The following ATXN1 variants were observed in gnomAD, a reference collection of about 807,000 sequenced individuals.
ATXN1 encodes the protein ataxin-1.
In ATXN1, 8 loss-of-function variants were observed where a neutral mutation model predicts 56.4. The ratio of observed to expected loss-of-function variants is 0.14; its 90% CI spans 0.08 to 0.26. The LOEUF (loss-of-function observed/expected upper bound fraction) is 0.26. ATXN1 is among the 10% of genes least tolerant of loss of function. The pLI is 1.00. For synonymous variants in ATXN1, 514 were observed against 494.6 expected, an observed-to-expected ratio of 1.04 and a Z score of -0.52; for missense variants, 987 against 1,106.5, an observed-to-expected ratio of 0.89 and a Z score of 1.53.
chr6:16,511,534 A>G (rs1761081657), intron 5 of ATXN1, among the ~76,000 whole-genome samples: 1 of 152,222 alleles, frequency 6.6e-6, no homozygotes, highest in South Asian at 2.1e-4. Flanking sequence ...TCCATTCTTC[A>G]GAAGTCCACA....
intron 6 of ATXN1, among the ~76,000 whole-genome samples, chr6:16,350,947 G>A (rs1169099799): frequency 6.6e-6 from 1 of 152,090 alleles, no homozygotes; most frequent in African/African-American, 2.4e-5. Flanking sequence ...AGGCAGGTGT[G>A]GTGGTGCATG....
chr6:16,571,816 A>T (rs1194692852), intron 4 of ATXN1, among the ~76,000 whole-genome samples: 2 of 152,082 alleles, frequency 1.3e-5, no homozygotes, highest in Non-Finnish European at 2.9e-5. Flanking sequence ...TCATGCCACC[A>T]TGCTCAGCTA....
intron 6 of ATXN1, among the ~76,000 whole-genome samples, chr6:16,351,124 C>G (rs1223781636): frequency 6.6e-6 from 1 of 152,080 alleles, no homozygotes; most frequent in Non-Finnish European, 1.5e-5. Flanking sequence ...AACACGTACC[C>G]TACAGGGTTA....
intron 3 of ATXN1, among the ~76,000 whole-genome samples, chr6:16,618,725 AAAAAAAAAAAAAAGGATTCAACTGTGGG>A (rs1337299825): frequency 6.6e-6 from 1 of 151,494 alleles, no homozygotes; most frequent in Non-Finnish European, 1.5e-5. Flanking sequence ...CCGTCTCAAA[AAAAAAAAAAAAAAGGATTCAACTGTGGG>A]AAAAAAAAAA....
intron 2 of ATXN1, among the ~76,000 whole-genome samples, chr6:16,658,894 C>A (rs575671163): frequency 4.6e-5 from 7 of 152,194 alleles, no homozygotes; most frequent in African/African-American, 1.7e-4. Context: ...AAAGGTCCCA[C>A]GGTGATCATC....
chr6:16,390,045 A>G (rs1758320554), intron 6 of ATXN1, among the ~76,000 whole-genome samples: 1 of 152,220 alleles, frequency 6.6e-6, no homozygotes, highest in Non-Finnish European at 1.5e-5. Context: ...TATTTTAAAT[A>G]TAAGGATAGT....
intron 6 of ATXN1, among the ~76,000 whole-genome samples, chr6:16,437,311 T>G (rs1303719464): frequency 6.6e-6 from 1 of 151,918 alleles, no homozygotes; most frequent in Non-Finnish European, 1.5e-5. Flanking sequence ...TGGGTGGGAG[T>G]GCGTATCAGC....
chr6:16,740,524 T>C (rs2113507277), intron 2 of ATXN1, among the ~76,000 whole-genome samples: 1 of 152,274 alleles, frequency 6.6e-6, no homozygotes, highest in South Asian at 2.1e-4. Flanking sequence ...ATATATGAGA[T>C]CAATTTGATT....
At chr6:16,556,495 G>A (rs1762016522) in intron 4 of ATXN1, among the ~76,000 whole-genome samples, 1 of 152,186 alleles carries the variant, frequency 6.6e-6, no homozygotes, top group Non-Finnish European at 1.5e-5. Context: ...ATGCTGGTAA[G>A]AAAAATCAGA....
chr6:16,396,433 A>G (rs542039403), intron 6 of ATXN1, among the ~76,000 whole-genome samples: 60 of 152,326 alleles, frequency 3.9e-4, no homozygotes, highest in African/African-American at 1.3e-3. Flanking sequence ...AAGCTTATAG[A>G]ATAAAGATAT....
At chr6:16,681,409 T>C (rs992080357) in intron 2 of ATXN1, among the ~76,000 whole-genome samples, 3 of 152,186 alleles carry the variant, frequency 2.0e-5, no homozygotes, top group Admixed American at 6.5e-5. Context: ...TTACTGTCAG[T>C]AGTATTTAGA....
chr6:16,417,030 A>T (rs1164651458), intron 6 of ATXN1, among the ~76,000 whole-genome samples: 1 of 152,160 alleles, frequency 6.6e-6, no homozygotes, highest in Non-Finnish European at 1.5e-5. Context: ...CCCCTAAGAT[A>T]TTATTTTATT....
intron 4 of ATXN1, among the ~76,000 whole-genome samples, chr6:16,562,113 C>A (rs1026693204): frequency 6.6e-6 from 1 of 152,174 alleles, no homozygotes; most frequent in Non-Finnish European, 1.5e-5. Context: ...GTGGCTCACA[C>A]CTGTAATCCC....
rs986845361 is a variant in ATXN1, at chr6:16,360,342, C to T, written c.-160-31872G>A. Among the ~76,000 whole-genome samples the T allele has an allele frequency of 4.6e-5, 7 of 152,160 alleles. No homozygotes were observed. The East Asian group carries it at 5.8e-4, about 13-fold the overall frequency. ...GGGGAACAGATATACCCAGTGACATCGGAAATGTGTTTTCCATTCCCAAGA... is the reference window on the plus strand; with the variant it reads ...GGGGAACAGATATACCCAGTGACATTGGAAATGTGTTTTCCATTCCCAAGA... On this transcript the variant is annotated intron_variant, in intron 6 of 7. Transcript: ENST00000436367.
chr6:16,497,422 T>A (rs968000984), intron 5 of ATXN1, among the ~76,000 whole-genome samples: 1 of 152,184 alleles, frequency 6.6e-6, no homozygotes, highest in Non-Finnish European at 1.5e-5. Context: ...TTTTAGACCG[T>A]TCTGTGGGCT....
chr6:16,621,734 A>C (rs964244791), intron 3 of ATXN1, among the ~76,000 whole-genome samples: 4 of 152,192 alleles, frequency 2.6e-5, no homozygotes, highest in African/African-American at 9.7e-5. Context: ...ACAAAGAATT[A>C]AACAAATGAT....
intron 4 of ATXN1, among the ~76,000 whole-genome samples, chr6:16,583,775 C>T (rs944245376): frequency 6.6e-6 from 1 of 152,120 alleles, no homozygotes; most frequent in Non-Finnish European, 1.5e-5. Context: ...GGAAGTCTCT[C>T]CAGGACTGGG....
rs1761066947 is a variant in ATXN1, at chr6:16,760,809, A to G, written c.-730+489T>C. Among the ~76,000 whole-genome samples the G allele has an allele frequency of 6.7e-6, 1 of 149,060 alleles. No homozygotes were observed. Among genetic ancestry groups the G allele is most frequent in the South Asian group, 2.1e-4 (1 of 4,704 alleles). On this transcript the variant is annotated intron_variant, in intron 1 of 7. Coordinates refer to ENST00000436367, the MANE Select transcript of ATXN1 (RefSeq NM_001128164.2). The surrounding 1 kb of genome is among the most constrained non-coding windows in gnomAD (Gnocchi z 5.3). ...GCGGCCGGGAAAGGGACCACCCCCC[A>G]ACCCCAGCCGCCGCCTCCCCCCTGC...
Position 16,578,487 on chromosome 6 carries a change from T to G in ATXN1, c.-361+7293A>C, listed in dbSNP as rs577585740. On this transcript the variant is annotated intron_variant, in intron 4 of 7. Transcript: ENST00000436367. ...AACCACATCTACTTCTCGAATCTTCTTTCTCTGTCACTGTTATTCCCAAGA... is the reference window on the plus strand; with the variant it reads ...AACCACATCTACTTCTCGAATCTTCGTTCTCTGTCACTGTTATTCCCAAGA... 2.0e-5 allele frequency among the ~76,000 whole-genome samples: 3 copies of G among 152,386 alleles called. No individual in the cohort carries two copies. The South Asian group carries it at 6.2e-4, about 32-fold the overall frequency.
Sources: gnomAD v4.1 joint callset for allele counts (sites outside exome capture counted in the v4.1 genomes callset) on GRCh38, gnomAD v4.1.1 for gene constraint, Gnocchi (gnomAD v3.1) non-coding constraint, MANE v1.5 for transcripts, NCBI Gene and HGNC (gene_info 2026-07-23, HGNC 2026-07-21) for gene names.